Variants in GUSB observed in about 807,000 individuals in gnomAD.
GUSB encodes beta-glucuronidase.
In GUSB, 51 loss-of-function variants were observed where a neutral mutation model predicts 74.6. The ratio of observed to expected loss-of-function variants is 0.68; its 90% CI spans 0.55 to 0.86. GUSB has a LOEUF of 0.86. Among genes scored for constraint, GUSB ranks in the 40% least tolerant of loss-of-function variants. GUSB has a pLI of 0.00. For missense variants in GUSB, 736 were observed against 853.7 expected (o/e 0.86, Z 1.72); for synonymous variants, 360 against 348.3 (o/e 1.03, Z -0.37).
At chr7:65,973,852 G>A (rs181671978) in intron 8 of GUSB, among the ~76,000 whole-genome samples, 2 of 152,182 alleles carry the variant, frequency 1.3e-5, no homozygotes, top group East Asian at 3.9e-4. Context: ...GATCACCTGA[G>A]CCTGGGAAGT....
intron 8 of GUSB, among the ~76,000 whole-genome samples, chr7:65,973,385 G>A (rs1791341867): frequency 2.6e-5 from 4 of 152,156 alleles, no homozygotes; most frequent in Admixed American, 2.0e-4. Flanking sequence ...TCAAGAGATC[G>A]AGACCATCCT....
chr7:65,981,842 C>A lies in GUSB; in HGVS notation c.210+132G>T, dbSNP rs1014809016. 20 of 795,796 alleles carry A rather than the reference C, an allele frequency of 2.5e-5. No individual in the cohort carries two copies. In the South Asian group the frequency reaches 3.7e-4, roughly 15 times the overall value. 49.3% of individuals were successfully genotyped at this position (795,796 alleles called of 1,614,324 possible). On this transcript the variant is annotated intron_variant, in intron 1 of 11. Coordinates refer to ENST00000304895, the MANE Select transcript of GUSB (RefSeq NM_000181.4). ...CGTCCCCCAAGCCGGCGCCCCCAAGCCCGTTGACCTTTAACCTCCTGCGGG... is the reference window on the plus strand; with the variant it reads ...CGTCCCCCAAGCCGGCGCCCCCAAGACCGTTGACCTTTAACCTCCTGCGGG...
chr7:65,980,219 C>T lies in GUSB; in HGVS notation c.396+5G>A. 6.3e-7 allele frequency: 1 copy of T among 1,591,818 alleles called. No homozygotes were observed. The highest frequency in any genetic ancestry group is 8.6e-7 in the Non-Finnish European group (1 of 1,166,916). ...CCCGCCCTGCCTGCTCCTGGCCGCA[C>T]TGACCACGATGGCATAGGAATGGGC... is the stretch of plus-strand genomic sequence containing the variant. On this transcript the variant is annotated splice_donor_5th_base_variant and intron_variant, in intron 2 of 11. Coordinates refer to ENST00000304895, the MANE Select transcript of GUSB (RefSeq NM_000181.4).
intron 1 of GUSB, 76 bp from the exon 2 acceptor site, chr7:65,980,485 C>A: frequency 7.4e-7 from 1 of 1,351,292 alleles, no homozygotes; most frequent in South Asian, 1.2e-5. Flanking sequence ...CGGCTGTGCC[C>A]CCAGGCCTAG....
intron 11 of GUSB, among the ~76,000 whole-genome samples, chr7:65,961,687 T>C (rs1391871074): frequency 6.6e-6 from 1 of 151,980 alleles, no homozygotes; most frequent in Non-Finnish European, 1.5e-5. Context: ...CTGGCCAACA[T>C]GAGGAAACCC....
chr7:65,978,110 T>C (rs987940711), intron 4 of GUSB, among the ~76,000 whole-genome samples: 1 of 151,798 alleles, frequency 6.6e-6, no homozygotes, highest in Non-Finnish European at 1.5e-5. Context: ...GCGCCCGCCC[T>C]GAAAAAGATA....
Position 65,976,234 on chromosome 7 carries a change from G to A in GUSB, c.725-32C>T, listed in dbSNP as rs748472223. 12 of 1,526,916 alleles carry A rather than the reference G, an allele frequency of 7.9e-6. No homozygotes were observed. In the South Asian group the frequency reaches 1.3e-4, roughly 17 times the overall value. 94.6% of individuals were successfully genotyped at this position (1,526,916 alleles called of 1,614,324 possible). A position where few individuals can be genotyped will look rare whatever the true frequency, so the allele number is the denominator to read the frequency against. Reference sequence around the variant, plus strand: ...GAAACAAGAGAGACCAGGGCTGAGGGAGGGACACGACCTGAGTCACACAAA... The same window carrying A: ...GAAACAAGAGAGACCAGGGCTGAGGAAGGGACACGACCTGAGTCACACAAA... On this transcript the variant is annotated intron_variant, in intron 4 of 11. Transcript: ENST00000304895.
intron 2 of GUSB, 119 bp from the exon 3 acceptor site, chr7:65,980,030 G>T: frequency 1.0e-6 from 1 of 981,760 alleles, no homozygotes; most frequent in Non-Finnish European, 1.5e-6. Flanking sequence ...CCAGCCAGAC[G>T]GGAAGAATGA....
chr7:65,974,232 G>A (rs375941316), intron 8 of GUSB, 63 bp downstream of exon 8: 140 of 1,558,610 alleles, frequency 9.0e-5, no homozygotes, highest in South Asian at 4.8e-4. Flanking sequence ...CATGCCCACC[G>A]AGGCCAGCCA....
chr7:65,961,401 C>G (rs1233691909), intron 11 of GUSB, among the ~76,000 whole-genome samples: 1 of 152,134 alleles, frequency 6.6e-6, no homozygotes, highest in African/African-American at 2.4e-5. Context: ...CCCTAAAGTG[C>G]TGGGATTATA....
intron 9 of GUSB, among the ~76,000 whole-genome samples, chr7:65,968,865 G>A (rs1185582973): frequency 6.6e-6 from 1 of 152,134 alleles, no homozygotes; most frequent in Non-Finnish European, 1.5e-5. Context: ...GGGATGATAG[G>A]TGTAAGCCAC....
intron 1 of GUSB, 117 bp from the exon 2 acceptor site, chr7:65,980,526 G>C (rs1791938196): frequency 1.1e-6 from 1 of 937,052 alleles, no homozygotes; most frequent in Admixed American, 2.0e-5. Flanking sequence ...GGGGATTCTT[G>C]GCAGAAAGGA....
intron 9 of GUSB, among the ~76,000 whole-genome samples, chr7:65,969,269 C>T (rs1023370426): frequency 2.6e-5 from 4 of 152,092 alleles, no homozygotes; most frequent in Admixed American, 2.6e-4. Flanking sequence ...GTAATCCCAG[C>T]TACTCAGGAG....
chr7:65,975,691 AT>A, intron 5 of GUSB: 15 of 247,308 alleles, frequency 6.1e-5, no homozygotes, highest in Admixed American at 1.0e-4. Context: ...AGGCTACAAA[AT>A]TTTTTTTATT....
intron 8 of GUSB, among the ~76,000 whole-genome samples, chr7:65,970,927 G>T (rs1367498824): frequency 1.3e-5 from 2 of 150,882 alleles, no homozygotes; most frequent in Non-Finnish European, 3.0e-5. Context: ...AAAAAAAAAA[G>T]CATGGAGCCG....
Position 65,960,908 on chromosome 7 carries a change from G to A in GUSB, c.1945C>T (p.Leu649=), listed in dbSNP as rs772478693. 2 of 1,613,658 alleles carry A rather than the reference G, an allele frequency of 1.2e-6. No homozygotes were observed. Among genetic ancestry groups the A allele is most frequent in the African/African-American group, 2.7e-5 (2 of 74,858 alleles). Residue 649 remains leucine, a synonymous_variant, in exon 12 of 12, where the codon CTG becomes TTG. Transcript: ENST00000304895. ...GGTATCAGTCTTGCTCAAGTAAACA[G>A]GCTGTTTTCCAAACATTGTGACTTG... ...VAKSQCLENS[L]FT
In GUSB at chr7:65,982,172, C is replaced by T. The variant is rs753976305; in HGVS notation, c.12G>A (p.Gly4=). MAR[G]SAVAWAALGP... is the part of the protein sequence containing the mutation. ...CGAGCGCCGCCCAGGCAACCGCCGA[C>T]CCCCGGGCCATGCTTCCCGGTCCCC... Residue 4 remains glycine (G), a synonymous_variant, in exon 1 of 12, where the codon GGG becomes GGA. Transcript: ENST00000304895. 1.3e-5 allele frequency: 20 copies of T among 1,514,264 alleles called. No individual in the cohort carries two copies. The highest frequency in any genetic ancestry group is 7.8e-5 in the East Asian group (3 of 38,512). 93.8% of individuals were successfully genotyped at this position (1,514,264 alleles called of 1,614,324 possible).
At chr7:65,961,681 C>T (rs1790505134) in intron 11 of GUSB, among the ~76,000 whole-genome samples, 1 of 152,054 alleles carries the variant, frequency 6.6e-6, no homozygotes. Context: ...ATCAGCCTGG[C>T]CAACATGAGG....
At chr7:65,976,474 C>T (rs926383440) in intron 4 of GUSB, among the ~76,000 whole-genome samples, 2 of 151,926 alleles carry the variant, frequency 1.3e-5, no homozygotes, top group African/African-American at 2.4e-5. Context: ...TATAGACGTG[C>T]ACCACCATGC....
Sources: gnomAD v4.1 joint callset for allele counts (sites outside exome capture counted in the v4.1 genomes callset) on GRCh38, gnomAD v4.1.1 for gene constraint, MANE v1.5 for transcripts, NCBI Gene and HGNC (gene_info 2026-07-23, HGNC 2026-07-21) for gene names.